UBOX5: variants seen among roughly 807,000 people sequenced by gnomAD.
The protein encoded by UBOX5 is U-box domain containing 5.
Under a neutral mutation model 39.0 loss-of-function variants are expected in UBOX5, and 28 were observed. The ratio of observed to expected loss-of-function variants is 0.72; its 90% CI spans 0.53 to 0.98. The LOEUF (loss-of-function observed/expected upper bound fraction) is 0.98, where lower values mean the gene tolerates loss of function less well. UBOX5 is among the 50% of genes least tolerant of loss of function. UBOX5 has a pLI of 0.00. For synonymous variants in UBOX5, 283 were observed against 275.5 expected (o/e 1.03, Z -0.27); for missense variants, 585 against 674.4 (o/e 0.87, Z 1.47).
At chr20:3,147,421 CT>C in intron 1 of UBOX5, 1 of 1,614,204 alleles carries the variant, frequency 6.2e-7, no homozygotes, top group South Asian at 1.1e-5. Context: ...TCATATCCTT[CT>C]CTGCTAAATA....
chr20:3,158,497 G>A (rs764645469), intron 1 of UBOX5, among the ~76,000 whole-genome samples: 46 of 152,018 alleles, frequency 3.0e-4, no homozygotes, highest in Non-Finnish European at 5.9e-4. Context: ...TATTTGAGAC[G>A]GACTCTCGCT....
At chr20:3,145,711 C>T (rs1478750876) in intron 1 of UBOX5, among the ~76,000 whole-genome samples, 1 of 152,144 alleles carries the variant, frequency 6.6e-6, no homozygotes, top group Non-Finnish European at 1.5e-5. Context: ...GCTGAGATAA[C>T]AGGCATGAGC....
At chr20:3,140,693 T>C (rs1419952282) in intron 1 of UBOX5, among the ~76,000 whole-genome samples, 1 of 152,114 alleles carries the variant, frequency 6.6e-6, no homozygotes, top group Non-Finnish European at 1.5e-5. Context: ...ATGGTGCATC[T>C]TTCTTAGGGT....
chr20:3,131,270 T>C (rs536553845), intron 1 of UBOX5, among the ~76,000 whole-genome samples: 3 of 152,162 alleles, frequency 2.0e-5, no homozygotes, highest in African/African-American at 7.2e-5. Flanking sequence ...ATAATGTTGA[T>C]TGTTAGATTG....
At chr20:3,146,547 TTTA>T in intron 1 of UBOX5, 1 of 495,278 alleles carries the variant, frequency 2.0e-6, no homozygotes, top group Non-Finnish European at 3.5e-6. Flanking sequence ...TATTAAGATG[TTTA>T]TTATTTACTA....
At chr20:3,138,444 T>C (rs6115802) in intron 1 of UBOX5, among the ~76,000 whole-genome samples, 2,120 of 152,240 alleles carry the variant, frequency 0.014, 46 homozygotes, top group African/African-American at 0.048. Flanking sequence ...TTTCCTTTTA[T>C]GTATTGAAAG....
At chr20:3,111,595 T>A (rs1170050221) in intron 4 of UBOX5, 1 of 152,644 alleles carries the variant, frequency 6.6e-6, no homozygotes, top group African/African-American at 2.4e-5. Context: ...CTTTGCACAC[T>A]CTGCGCTGCT....
rs1422747206 is a variant in UBOX5, at chr20:3,122,417, T to G, written c.222A>C (p.Gly74=). ...TTTCCAGGCCAGTGACGTTCTGACC[T>G]CCCCCAGCTGTGAGGTCTATGTTGA... The part of the protein sequence containing the change: ...CRINIDLTAG[G]GQNVTGLEMY... The change falls in exon 3 of 5, where the codon GGA becomes GGC. Residue 74 remains glycine, a synonymous_variant. Transcript: ENST00000217173. 5 of 1,614,130 alleles carry G rather than the reference T, an allele frequency of 3.1e-6. No homozygotes were observed. Among genetic ancestry groups the G allele is most frequent in the Non-Finnish European group, 4.2e-6 (5 of 1,180,006 alleles).
chr20:3,158,696 G>C (rs1166082885), intron 1 of UBOX5, among the ~76,000 whole-genome samples: 2 of 151,846 alleles, frequency 1.3e-5, no homozygotes, highest in South Asian at 2.1e-4. Context: ...AGATGGTCTC[G>C]ATCTCCTGAC....
chr20:3,149,140 G>A lies in UBOX5; in HGVS notation c.-42+10626C>T, dbSNP rs2066599616. Reference sequence around the variant, plus strand: ...CACAGATTTGACCAGGCAATTTCTTGTTTATATGGTGCTTGATTAGAGCTG... The same window carrying A: ...CACAGATTTGACCAGGCAATTTCTTATTTATATGGTGCTTGATTAGAGCTG... On this transcript the variant is annotated intron_variant, in intron 1 of 4. Coordinates refer to ENST00000217173, the MANE Select transcript of UBOX5 (RefSeq NM_014948.4). This position sits in a 1 kb window ranked among gnomAD's most constrained non-coding sequence, Gnocchi z 4.1. 1.3e-6 allele frequency: 2 copies of A among 1,506,086 alleles called. No homozygotes were observed. The highest frequency in any genetic ancestry group is 1.8e-6 in the Non-Finnish European group (2 of 1,119,244). 93.3% of individuals were successfully genotyped at this position (1,506,086 alleles called of 1,614,324 possible).
At chr20:3,138,938 GAC>G (rs1188364670) in intron 1 of UBOX5, among the ~76,000 whole-genome samples, 1 of 151,902 alleles carries the variant, frequency 6.6e-6, no homozygotes, top group Non-Finnish European at 1.5e-5. Context: ...AATTCTGGCA[GAC>G]ACACATATTT....
rs761247290 is a variant in UBOX5, at chr20:3,149,031, G to C, written c.-42+10735C>G. 7 of 1,613,478 alleles carry C rather than the reference G, an allele frequency of 4.3e-6. No homozygotes were observed. Among genetic ancestry groups the C allele is most frequent in the Non-Finnish European group, 5.1e-6 (6 of 1,179,820 alleles). On this transcript the variant is annotated intron_variant, in intron 1 of 4. Coordinates refer to ENST00000217173, the MANE Select transcript of UBOX5 (RefSeq NM_014948.4). The surrounding 1 kb of genome is among the most constrained non-coding windows in gnomAD (Gnocchi z 4.1). ...AAGGCAGAAGGACTGCAAAATGCTC[G>C]GTATCTTACAAGTTTTAATGACTTG... is the stretch of plus-strand genomic sequence containing the variant.
intron 1 of UBOX5, chr20:3,146,636 TA>T: frequency 1.0e-6 from 1 of 977,416 alleles, no homozygotes; most frequent in Non-Finnish European, 1.5e-6. Flanking sequence ...ACACTAGCTC[TA>T]ACCTGCCTTG....
At chr20:3,132,007 CAAAAAA>C (rs35711232) in intron 1 of UBOX5, among the ~76,000 whole-genome samples, 7 of 52,160 alleles carry the variant, frequency 1.3e-4, no homozygotes, top group Non-Finnish European at 2.1e-4. Flanking sequence ...GACACTGTCT[CAAAAAA>C]AAAAAAAAAA....
chr20:3,115,043 G>A lies in UBOX5; in HGVS notation c.1417+262C>T, dbSNP rs541757173. On this transcript the variant is annotated intron_variant, in intron 4 of 4. Coordinates refer to ENST00000217173, the MANE Select transcript of UBOX5 (RefSeq NM_014948.4). Reference sequence around the variant, plus strand: ...ATCTCACAAGGAAACACATCAGAGGGTGGCCAAGCCCTACATCCACAGAAT... The same window carrying A: ...ATCTCACAAGGAAACACATCAGAGGATGGCCAAGCCCTACATCCACAGAAT... Among the ~76,000 whole-genome samples, 3 of 152,314 alleles carry A rather than the reference G, an allele frequency of 2.0e-5. No homozygotes were observed. The South Asian group carries it at 6.2e-4, about 32-fold the overall frequency.
At position 3,121,452 on chromosome 20, in the gene UBOX5, G is replaced by C. The variant is rs1402499554; in HGVS notation, c.1187C>G (p.Ser396Ter). ...ATSPLVLPTT[S>*]EHTAKKMKAT... ...TTTCATTTTCTTAGCAGTGTGCTCT[G>C]AGGTAGTGGGTAAGACCAAAGGGCT... The change falls in exon 3 of 5, where the codon TCA becomes TGA. Residue 396 changes from serine (S) to a stop codon, truncating the protein, a stop_gained. Transcript: ENST00000217173. LOFTEE classifies it high-confidence loss of function. 1 of 1,614,142 alleles carries C rather than the reference G, an allele frequency of 6.2e-7. No homozygotes were observed. The highest frequency in any genetic ancestry group is 8.5e-7 in the Non-Finnish European group (1 of 1,180,020).
intron 1 of UBOX5, chr20:3,148,738 G>T (rs752234966): frequency 1.2e-6 from 2 of 1,614,090 alleles, no homozygotes; most frequent in African/African-American, 2.7e-5. Flanking sequence ...TGTTTTCAAA[G>T]GAATCAAACA....
Position 3,123,362 on chromosome 20 carries a change from C to A in UBOX5, c.4G>T (p.Val2Leu), listed in dbSNP as rs148848697. Reference protein sequence around the residue: MVINLCLPQFRP... With the variant: MLINLCLPQFRP... ...AACTGTGGGAGGCAAAGATTTATTA[C>A]CATCTTTGTGGCTGAGAGGATATCT... The change falls in exon 2 of 5, where the codon GTA becomes TTA. Residue 2 changes from valine to leucine, a missense_variant. Coordinates refer to ENST00000217173, the MANE Select transcript of UBOX5 (RefSeq NM_014948.4). 1.2e-6 allele frequency: 2 copies of A among 1,613,916 alleles called. No individual in the cohort carries two copies. Among genetic ancestry groups the A allele is most frequent in the South Asian group, 2.2e-5 (2 of 91,064 alleles).
chr20:3,118,803 T>C (rs1353105833), intron 3 of UBOX5, among the ~76,000 whole-genome samples: 1 of 151,604 alleles, frequency 6.6e-6, no homozygotes, highest in Non-Finnish European at 1.5e-5. Flanking sequence ...GCCAGGCGTG[T>C]TGGCACGCAC....
Sources: allele counts gnomAD v4.1 joint callset (sites outside exome capture counted in the v4.1 genomes callset), GRCh38; gene constraint gnomAD v4.1.1; non-coding constraint Gnocchi (gnomAD v3.1); transcripts MANE v1.5; gene names NCBI Gene and HGNC (gene_info 2026-07-23, HGNC 2026-07-21).